The following SLC3A1 variants were observed in gnomAD, a reference collection of about 807,000 sequenced individuals.
The protein encoded by SLC3A1 is solute carrier family 3 member 1, also known as amino acid transporter heavy chain SLC3A1.
SLC3A1 carries 78 observed loss-of-function variants against 60.3 expected under a neutral mutation model. That is an observed-to-expected ratio of 1.29 (90% CI 1.08 to 1.56). The LOEUF (loss-of-function observed/expected upper bound fraction) is 1.56, where lower values mean the gene tolerates loss of function less well. SLC3A1 is among the 40% of genes most tolerant of loss of function. The probability of loss-of-function intolerance (pLI) is 0.00; values close to 1 mark genes in which losing one functional copy is unlikely to be tolerated. For missense variants in SLC3A1, 1,172 were observed against 858.9 expected (o/e 1.36, Z -4.56); for synonymous variants, 392 against 307.9 (o/e 1.27, Z -2.86).
At chr2:44,316,753 C>T (rs773691202) in intron 9 of SLC3A1, among the ~76,000 whole-genome samples, 3 of 152,306 alleles carry the variant, frequency 2.0e-5, no homozygotes, top group Non-Finnish European at 1.5e-5. Context: ...AGAACTCTAT[C>T]TTCAAAGTTG....
Position 44,280,880 on chromosome 2 carries a change from G to A in SLC3A1, c.595G>A (p.Ala199Thr). ...TMEDFENLVA[A>T]IHDKGLKLII... ...GGAAGATTTTGAGAATCTGGTTGCA[G>A]CCATACATGATAAAGGTAAGTTGAA... The change falls in exon 2 of 10, where the codon GCC becomes ACC. Residue 199 changes from alanine (A) to threonine (T), a missense_variant. Ala to Thr is a moderately conservative substitution (Grantham distance 58). Coordinates refer to ENST00000260649, the MANE Select transcript of SLC3A1 (RefSeq NM_000341.4). The A allele has an allele frequency of 2.5e-6, 4 of 1,614,078 alleles. No individual in the cohort carries two copies. The highest frequency in any genetic ancestry group is 3.4e-6 in the Non-Finnish European group (4 of 1,179,968).
At chr2:44,285,835 G>T in intron 3 of SLC3A1, 197 bp from the exon 4 acceptor site, 1 of 710,744 alleles carries the variant, frequency 1.4e-6, no homozygotes, top group East Asian at 2.7e-5. Flanking sequence ...AAAATACGTT[G>T]CAACCATGTT....
intron 9 of SLC3A1, among the ~76,000 whole-genome samples, chr2:44,315,915 C>T (rs1672428635): frequency 6.6e-6 from 1 of 152,138 alleles, no homozygotes; most frequent in Non-Finnish European, 1.5e-5. Context: ...CTAGCACTGT[C>T]CCCTGGCGAG....
At chr2:44,300,156 C>G in intron 5 of SLC3A1, 66 bp downstream of exon 5, 1 of 1,533,132 alleles carries the variant, frequency 6.5e-7, no homozygotes, top group Non-Finnish European at 9.0e-7. Context: ...TGTTTTCTTT[C>G]TCAGCCTGAG....
chr2:44,301,177 T>G, intron 6 of SLC3A1, 50 bp downstream of exon 6: 1 of 1,610,264 alleles, frequency 6.2e-7, no homozygotes, highest in Non-Finnish European at 8.5e-7. Context: ...GTGTGTGATC[T>G]GCAGTGTATC....
chr2:44,293,294 G>C (rs931225825), intron 4 of SLC3A1, among the ~76,000 whole-genome samples: 3 of 152,124 alleles, frequency 2.0e-5, no homozygotes, highest in African/African-American at 7.2e-5. Flanking sequence ...TGAGGCAGGT[G>C]GATCACATGG....
chr2:44,304,129 G>C lies in SLC3A1; in HGVS notation c.1137-14G>C. The C allele has an allele frequency of 6.2e-7, 1 of 1,611,140 alleles. No individual in the cohort carries two copies. The highest frequency in any genetic ancestry group is 8.5e-7 in the Non-Finnish European group (1 of 1,177,290). The stretch of plus-strand genomic sequence containing the variant: ...ACAGGCCCCGATGACACTGAACCTT[G>C]TCAACTCTTATAGGTTCATGGGGAC... On this transcript the variant is annotated splice_polypyrimidine_tract_variant and intron_variant, in intron 6 of 9. Coordinates refer to ENST00000260649, the MANE Select transcript of SLC3A1 (RefSeq NM_000341.4).
intron 4 of SLC3A1, among the ~76,000 whole-genome samples, chr2:44,297,763 C>A (rs1179879222): frequency 1.3e-5 from 2 of 152,118 alleles, no homozygotes; most frequent in African/African-American, 2.4e-5. Flanking sequence ...CCACACGCAG[C>A]TAATTTTTCA....
At chr2:44,305,508 A>T (rs1248339020) in intron 7 of SLC3A1, among the ~76,000 whole-genome samples, 2 of 147,624 alleles carry the variant, frequency 1.4e-5, no homozygotes, top group African/African-American at 5.0e-5. Flanking sequence ...GCTTACTGCA[A>T]CCTCCACCTC....
At chr2:44,306,674 C>A (rs965921229) in intron 7 of SLC3A1, among the ~76,000 whole-genome samples, 1 of 150,860 alleles carries the variant, frequency 6.6e-6, no homozygotes, top group African/African-American at 2.4e-5. Flanking sequence ...CTGCCTCAGC[C>A]TTTAGAGTAG....
chr2:44,321,037 G>A lies in SLC3A1; in HGVS notation c.*398G>A. On this transcript the variant is annotated 3_prime_UTR_variant, in exon 10 of 10. Coordinates refer to ENST00000260649, the MANE Select transcript of SLC3A1 (RefSeq NM_000341.4). ...TAGCAAAGAGGCAGGACACTAATTT[G>A]TAAACTGCTCAACTGTTCTGACTGG... is the stretch of plus-strand genomic sequence containing the variant. The A allele has an allele frequency of 2.5e-6, 1 of 394,682 alleles. No homozygotes were observed. The highest frequency in any genetic ancestry group is 4.6e-6 in the Non-Finnish European group (1 of 216,362). 24.4% of individuals were successfully genotyped at this position (394,682 alleles called of 1,614,324 possible).
chr2:44,321,709 C>T (rs755444826), downstream of SLC3A1: 1 of 1,588,270 alleles, frequency 6.3e-7, no homozygotes, highest in African/African-American at 1.3e-5. Context: ...GGGTCTCACC[C>T]ATAGATAGGA....
intron 7 of SLC3A1, 113 bp from the exon 8 acceptor site, chr2:44,312,473 C>T (rs2104383648): frequency 1.8e-6 from 2 of 1,139,194 alleles, no homozygotes; most frequent in East Asian, 4.8e-5. Flanking sequence ...CTTGCTAGTA[C>T]CAAGGTACCA....
At chr2:44,290,123 CT>C (rs34642873) in intron 4 of SLC3A1, among the ~76,000 whole-genome samples, 8,188 of 130,986 alleles carry the variant, frequency 0.063, 668 homozygotes, top group African/African-American at 0.21. Context: ...AGCTGTCCGA[CT>C]TTTTTTTTTT....
rs150958663 is a variant in SLC3A1 at position 44,314,163 on chromosome 2, A to G, written c.1617+212A>G. 535 of 1,189,068 alleles carry G rather than the reference A, an allele frequency of 4.5e-4. 2 individuals are homozygous for G. The African/African-American group carries it at 7.6e-3, about 17-fold the overall frequency. The allele number at this position is 1,189,068 out of a possible 1,614,324, so 73.7% of individuals were successfully genotyped here. ...ACAAATCTACCAAGTGAAGTGAAGTATCATATAGAATATACAAGTCTTCAT... is the reference window on the plus strand; with the variant it reads ...ACAAATCTACCAAGTGAAGTGAAGTGTCATATAGAATATACAAGTCTTCAT... On this transcript the variant is annotated intron_variant, in intron 9 of 9. Coordinates refer to ENST00000260649, the MANE Select transcript of SLC3A1 (RefSeq NM_000341.4).
In SLC3A1 at chr2:44,276,168, T is replaced by C. The variant is rs1247020904; in HGVS notation, c.430+203T>C. ...AGTTATTTTACTAGCTGAAGGGCTA[T>C]TTGCTGAAGGCCTTTGAGCCAAACG... On this transcript the variant is annotated intron_variant, in intron 1 of 9. Transcript: ENST00000260649. Among the ~76,000 whole-genome samples the C allele has an allele frequency of 3.3e-5, 5 of 152,212 alleles. 1 individual carries two copies. Among genetic ancestry groups the C allele is most frequent in the Admixed American group, 3.3e-4 (5 of 15,286 alleles).
intron 7 of SLC3A1, among the ~76,000 whole-genome samples, chr2:44,305,992 C>G (rs2104373292): frequency 6.6e-6 from 1 of 152,288 alleles, no homozygotes; most frequent in East Asian, 1.9e-4. Flanking sequence ...CTAGACAGTT[C>G]ACTGGTTAAG....
chr2:44,318,076 C>T (rs746130350), intron 9 of SLC3A1: 3 of 440,220 alleles, frequency 6.8e-6, no homozygotes, highest in Non-Finnish European at 9.0e-6. Flanking sequence ...CACAATAATA[C>T]TTAAAGGATC....
At chr2:44,305,128 C>G (rs775600867) in intron 7 of SLC3A1, among the ~76,000 whole-genome samples, 1 of 152,214 alleles carries the variant, frequency 6.6e-6, no homozygotes, top group East Asian at 1.9e-4. Context: ...AGCTACCACG[C>G]CCAGCACTAA....
Sources: gnomAD v4.1 joint callset for allele counts (sites outside exome capture counted in the v4.1 genomes callset) on GRCh38, gnomAD v4.1.1 for gene constraint, MANE v1.5 for transcripts, NCBI Gene and HGNC (gene_info 2026-07-23, HGNC 2026-07-21) for gene names.